RESF1: variants seen among roughly 807,000 people sequenced by gnomAD.
RESF1 encodes retroelement silencing factor 1.
RESF1 carries 65 observed loss-of-function variants against 134.7 expected under a neutral mutation model. That is an observed-to-expected ratio of 0.48 (90% CI 0.40 to 0.59). The LOEUF (loss-of-function observed/expected upper bound fraction) is 0.59, where lower values mean the gene tolerates loss of function less well. Ranked by LOEUF, RESF1 falls within the 20% of genes least tolerant of loss-of-function variation. The pLI, the probability that RESF1 is intolerant of heterozygous loss-of-function variation, is 0.00. For synonymous variants in RESF1, 762 were observed against 702.2 expected, an observed-to-expected ratio of 1.09 and a Z score of -1.35; for missense variants, 2,274 against 2,002.7, an observed-to-expected ratio of 1.14 and a Z score of -2.59.
intron 2 of RESF1, among the ~76,000 whole-genome samples, chr12:31,965,565 G>A (rs561594358): frequency 3.0e-4 from 46 of 152,128 alleles, no homozygotes; most frequent in Non-Finnish European, 5.9e-4. Flanking sequence ...TGTTCAAGAC[G>A]CCAAGAACCT....
chr12:31,973,504 T>A (rs545580853), intron 3 of RESF1, among the ~76,000 whole-genome samples: 14 of 150,268 alleles, frequency 9.3e-5, no homozygotes, highest in African/African-American at 3.4e-4. Flanking sequence ...TCTGCCACTC[T>A]ACTGCCACCC....
rs372843163 is a variant in RESF1 at position 31,983,819 on chromosome 12, A to G, written c.2864A>G (p.Gln955Arg). The G allele has an allele frequency of 1.2e-6, 2 of 1,612,238 alleles. No individual in the cohort carries two copies. Among genetic ancestry groups the G allele is most frequent in the African/African-American group, 2.7e-5 (2 of 74,766 alleles). ...NTTENKDFGF[Q>R]KDKPVQCTDV... is the part of the protein sequence containing the mutation. Reference sequence around the variant, plus strand: ...ACTGAAAATAAAGACTTTGGTTTTCAAAAAGATAAACCTGTACAGTGCACA... The same window carrying G: ...ACTGAAAATAAAGACTTTGGTTTTCGAAAAGATAAACCTGTACAGTGCACA... The change falls in exon 4 of 6, where the codon CAA becomes CGA. Residue 955 changes from glutamine (Q) to arginine (R), a missense_variant. Transcript: ENST00000312561.
rs1939845391 is a variant in RESF1 at position 31,982,991 on chromosome 12, T to C, written c.2036T>C (p.Leu679Pro). 1 of 1,614,124 alleles carries C rather than the reference T, an allele frequency of 6.2e-7. No individual in the cohort carries two copies. The highest frequency in any genetic ancestry group is 8.5e-7 in the Non-Finnish European group (1 of 1,180,016). The change falls in exon 4 of 6, where the codon CTG becomes CCG. Residue 679 changes from leucine to proline, a missense_variant. Coordinates refer to ENST00000312561, the MANE Select transcript of RESF1 (RefSeq NM_018169.4). ...SMEVLATCLSLWKKQPSDTAK... is the reference protein window; with the variant it reads ...SMEVLATCLSPWKKQPSDTAK... The stretch of plus-strand genomic sequence containing the variant: ...GAAGTGCTAGCAACCTGTCTTTCCC[T>C]GTGGAAAAAGCAACCTTCAGATACT...
Position 31,983,724 on chromosome 12 carries a change from A to G in RESF1, c.2769A>G (p.Pro923=), listed in dbSNP as rs781021644. Residue 923 remains proline, a synonymous_variant, in exon 4 of 6, where the codon CCA becomes CCG. Transcript: ENST00000312561. ...CTCTTCCCTTGAAAATGGTTGAGCC[A>G]CAGAAACCTTCTCTACCCAATCAGC... is the stretch of plus-strand genomic sequence containing the variant. The part of the protein sequence containing the change: ...FSSLPLKMVE[P]QKPSLPNQQG... The G allele has an allele frequency of 1.9e-6, 3 of 1,613,920 alleles. No homozygotes were observed. In the East Asian group the frequency reaches 6.7e-5, roughly 36 times the overall value.
At chr12:31,978,667 T>G (rs1389073728) in intron 3 of RESF1, among the ~76,000 whole-genome samples, 1 of 151,446 alleles carries the variant, frequency 6.6e-6, no homozygotes, top group African/African-American at 2.4e-5. Context: ...TGCCTCAGCC[T>G]CCTGAGTAGC....
In RESF1 at chr12:31,982,507, T is replaced by C. The variant is rs3759301; in HGVS notation, c.1552T>C (p.Ser518Pro). 1,522,900 of 1,613,596 alleles carry C rather than the reference T, an allele frequency of 0.94. 718,937 individuals carry two copies. The highest frequency in any genetic ancestry group is 0.99 in the African/African-American group (74,259 of 75,058). Residue 518 changes from serine (S) to proline (P), a missense_variant, in exon 4 of 6, where the codon TCA (serine) becomes CCA (proline). By Grantham distance (74) the Ser-to-Pro change is moderately conservative (BLOSUM62 -1). Coordinates refer to ENST00000312561, the MANE Select transcript of RESF1 (RefSeq NM_018169.4). Reference sequence around the variant, plus strand: ...TTCTGAAAAGCGGCCAATGCCAGACTCATCTCATGATGTGAAAGTTCTCAC... The same window carrying C: ...TTCTGAAAAGCGGCCAATGCCAGACCCATCTCATGATGTGAAAGTTCTCAC... ...VYSEKRPMPDSSHDVKVLTSK... is the reference protein window; with the variant it reads ...VYSEKRPMPDPSHDVKVLTSK...
chr12:31,964,447 T>C lies in RESF1; in HGVS notation c.-247+3576T>C, dbSNP rs1592249279. On this transcript the variant is annotated intron_variant, in intron 2 of 5. Coordinates refer to ENST00000312561, the MANE Select transcript of RESF1 (RefSeq NM_018169.4). ...ATAATGTCCTCTAGCTCCAAGCTCC[T>C]GCAAAGGACATGATCTCATTCTTTT... 2.0e-5 allele frequency among the ~76,000 whole-genome samples: 3 copies of C among 152,346 alleles called. 1 individual carries two copies. Among genetic ancestry groups the C allele is most frequent in the African/African-American group, 7.2e-5 (3 of 41,584 alleles).
intron 5 of RESF1, among the ~76,000 whole-genome samples, chr12:31,987,789 G>T (rs990814412): frequency 6.6e-6 from 1 of 151,922 alleles, no homozygotes; most frequent in African/African-American, 2.4e-5. Flanking sequence ...AGGCTGGAGT[G>T]CAGTGGCGTC....
At chr12:31,968,202 GA>G (rs1939439420) in intron 2 of RESF1, among the ~76,000 whole-genome samples, 1 of 152,098 alleles carries the variant, frequency 6.6e-6, no homozygotes, top group African/African-American at 2.4e-5. Flanking sequence ...TTCCTTTGTG[GA>G]ACATAAGAAG....
At position 31,981,390 on chromosome 12, in the gene RESF1, C is replaced by CGTACCCAATAT; in HGVS notation, c.437_447dup (p.Pro150TyrfsTer11). The stretch of plus-strand genomic sequence containing the variant: ...CTCATCAAACTGATTTTGGAGCTAA[C>CGTACCCAATAT]GTACCCAATATGCCGGCACTACAGA... On this transcript the variant is annotated frameshift_variant, in exon 4 of 6. Coordinates refer to ENST00000312561, the MANE Select transcript of RESF1 (RefSeq NM_018169.4). LOFTEE classifies it high-confidence loss of function. 6.2e-7 allele frequency: 1 copy of CGTACCCAATAT among 1,614,068 alleles called. No homozygotes were observed. Among genetic ancestry groups the CGTACCCAATAT allele is most frequent in the Non-Finnish European group, 8.5e-7 (1 of 1,179,998 alleles).
At position 31,982,067 on chromosome 12, in the gene RESF1, A is replaced by C. The variant is rs746505271; in HGVS notation, c.1112A>C (p.Lys371Thr). 6.2e-7 allele frequency: 1 copy of C among 1,614,188 alleles called. No individual in the cohort carries two copies. The highest frequency in any genetic ancestry group is 1.1e-5 in the South Asian group (1 of 91,064). ...ACTCTTGCTCAAACTAATGAAGAGA[A>C]AATAATGGATTCTTGCAATCCAACT... ...VQTLAQTNEE[K>T]IMDSCNPTSN... Residue 371 changes from lysine (K) to threonine (T), a missense_variant, in exon 4 of 6, where the codon AAA becomes ACA. By Grantham distance (78) the Lys-to-Thr change is moderately conservative. Transcript: ENST00000312561.
chr12:31,984,533 T>A lies in RESF1; in HGVS notation c.3578T>A (p.Ile1193Asn), dbSNP rs1939909408. Residue 1193 changes from isoleucine to asparagine, a missense_variant, in exon 4 of 6, where the codon ATC (isoleucine) becomes AAC (asparagine). By Grantham distance (149) the Ile-to-Asn change is moderately radical. Transcript: ENST00000312561. ...EGVPQCQCNS[I>N]KNSSSEEEKQ... ...GTACCCCAGTGTCAGTGTAATTCCA[T>A]CAAGAACTCATCTTCAGAGGAAGAG... 1.3e-6 allele frequency: 2 copies of A among 1,594,890 alleles called. No individual in the cohort carries two copies. The highest frequency in any genetic ancestry group is 1.7e-6 in the Non-Finnish European group (2 of 1,170,920).
At chr12:31,978,411 ATC>A (rs72268224) in intron 3 of RESF1, among the ~76,000 whole-genome samples, 15,638 of 152,132 alleles carry the variant, frequency 0.1, 1,023 homozygotes, top group East Asian at 0.21. Flanking sequence ...ACCAGCTAGG[ATC>A]TCCAGTAAAA....
intron 5 of RESF1, 129 bp downstream of exon 5, chr12:31,987,451 T>G: frequency 5.0e-6 from 3 of 595,064 alleles, no homozygotes; most frequent in Non-Finnish European, 8.9e-6. Context: ...AGTCATTCAG[T>G]GTTTGTGTTT....
intron 5 of RESF1, 141 bp from the exon 6 acceptor site, chr12:31,992,237 G>A (rs1940107329): frequency 8.5e-6 from 6 of 709,330 alleles, no homozygotes; most frequent in Middle Eastern, 8.2e-4. Flanking sequence ...TAAGTGAAGA[G>A]CTATGGTTCT....
At chr12:31,964,989 A>G (rs1442869342) in intron 2 of RESF1, among the ~76,000 whole-genome samples, 7 of 151,892 alleles carry the variant, frequency 4.6e-5, no homozygotes, top group Non-Finnish European at 4.4e-5. Flanking sequence ...TGTTTTTAAG[A>G]CTGAATCTCA....
chr12:31,989,422 A>AAG (rs1369047446), intron 5 of RESF1, among the ~76,000 whole-genome samples: 2 of 145,156 alleles, frequency 1.4e-5, no homozygotes, highest in African/African-American at 5.1e-5. Context: ...AAAATAGGCA[A>AAG]AGAGGGGTTC....
chr12:31,976,850 AC>A (rs768046950), intron 3 of RESF1, among the ~76,000 whole-genome samples: 2 of 152,184 alleles, frequency 1.3e-5, no homozygotes, highest in African/African-American at 2.4e-5. Flanking sequence ...AAGAAAATCC[AC>A]GTATAAGTGG....
Position 31,982,148 on chromosome 12 carries a change from A to C in RESF1, c.1193A>C (p.Lys398Thr). The change falls in exon 4 of 6, where the codon AAA (lysine) becomes ACA (threonine). Residue 398 changes from lysine (K) to threonine (T), a missense_variant. Physicochemically the swap from Lys to Thr is moderately conservative, Grantham distance 78. Transcript: ENST00000312561. ...VAKEKLVRDI[K>T]TLVEIKQKFS... ...AAAGAAAAGCTAGTAAGGGATATTA[A>C]AACATTAGTAGAGATAAAACAGAAG... 2 of 1,613,718 alleles carry C rather than the reference A, an allele frequency of 1.2e-6. No homozygotes were observed. The highest frequency in any genetic ancestry group is 1.7e-6 in the Non-Finnish European group (2 of 1,179,886).
Sources: allele counts gnomAD v4.1 joint callset (sites outside exome capture counted in the v4.1 genomes callset), GRCh38; gene constraint gnomAD v4.1.1; transcripts MANE v1.5; gene names NCBI Gene and HGNC (gene_info 2026-07-23, HGNC 2026-07-21).